SDHAF3: variants seen among roughly 807,000 people sequenced by gnomAD.
The protein encoded by SDHAF3 is succinate dehydrogenase assembly factor 3, mitochondrial.
SDHAF3 carries 18 observed loss-of-function variants against 11.5 expected under a neutral mutation model. That is an observed-to-expected ratio of 1.56 (90% CI 1.08 to 2.32). SDHAF3 has a LOEUF of 2.32. Ranked by LOEUF, SDHAF3 falls within the 30% of genes most tolerant of loss-of-function variation. The pLI, the probability that SDHAF3 is intolerant of heterozygous loss-of-function variation, is 0.00. For missense variants in SDHAF3, 200 were observed against 154.4 expected (o/e 1.30, Z -1.57); for synonymous variants, 72 against 59.3 (o/e 1.21, Z -0.99).
At chr7:97,139,750 A>G (rs1789001448) in intron 1 of SDHAF3, among the ~76,000 whole-genome samples, 1 of 152,214 alleles carries the variant, frequency 6.6e-6, no homozygotes, top group Admixed American at 6.5e-5. Context: ...CTCTGAAAAC[A>G]AATTTTGTAA....
chr7:97,173,678 G>T (rs894168237), intron 1 of SDHAF3, among the ~76,000 whole-genome samples: 3 of 150,720 alleles, frequency 2.0e-5, no homozygotes, highest in Non-Finnish European at 4.4e-5. Context: ...TCAGCCTCCC[G>T]AATAGCTGGG....
chr7:97,176,279 T>A (rs1049273333), intron 1 of SDHAF3, among the ~76,000 whole-genome samples: 3 of 152,224 alleles, frequency 2.0e-5, no homozygotes, highest in African/African-American at 7.2e-5. Flanking sequence ...AAGCAGCTGC[T>A]TAACTTACCC....
At chr7:97,153,922 A>G (rs1213289544) in intron 1 of SDHAF3, among the ~76,000 whole-genome samples, 1 of 152,140 alleles carries the variant, frequency 6.6e-6, no homozygotes, top group Non-Finnish European at 1.5e-5. Context: ...ATGTTTTCCT[A>G]ATTGTCACAT....
intron 1 of SDHAF3, among the ~76,000 whole-genome samples, chr7:97,176,874 AATATTAAT>A (rs1789687734): frequency 6.6e-6 from 1 of 152,148 alleles, no homozygotes; most frequent in African/African-American, 2.4e-5. Context: ...AGATTTAACA[AATATTAAT>A]ATTTTGAAAT....
chr7:97,177,459 G>A (rs1789696843), intron 1 of SDHAF3, among the ~76,000 whole-genome samples: 1 of 151,972 alleles, frequency 6.6e-6, no homozygotes, highest in South Asian at 2.1e-4. Context: ...CCGAGATCGC[G>A]CCACTGCACT....
At chr7:97,156,336 G>T (rs1399452683) in intron 1 of SDHAF3, among the ~76,000 whole-genome samples, 1 of 152,138 alleles carries the variant, frequency 6.6e-6, no homozygotes, top group African/African-American at 2.4e-5. Flanking sequence ...AAGCCATAGA[G>T]GTAAAGTGCC....
At chr7:97,149,734 G>A (rs953100006) in intron 1 of SDHAF3, among the ~76,000 whole-genome samples, 1 of 152,208 alleles carries the variant, frequency 6.6e-6, no homozygotes, top group Non-Finnish European at 1.5e-5. Flanking sequence ...GACGGCTGCT[G>A]AATGATGAGG....
intron 1 of SDHAF3, among the ~76,000 whole-genome samples, chr7:97,129,725 AG>A (rs1338408781): frequency 3.3e-5 from 5 of 152,112 alleles, no homozygotes; most frequent in Non-Finnish European, 5.9e-5. Context: ...GGCCTCACTT[AG>A]TTCTGAGCTG....
chr7:97,117,732 G>T lies in SDHAF3; in HGVS notation c.9G>T (p.Gly3=). 3 of 1,612,914 alleles carry T rather than the reference G, an allele frequency of 1.9e-6. No individual in the cohort carries two copies. Among genetic ancestry groups the T allele is most frequent in the South Asian group, 2.2e-5 (2 of 91,050 alleles). MP[G]RHVSRVRALY... is the part of the protein sequence containing the mutation. ...GGTCGGCGTGGGGCGCTATGCCGGG[G>T]CGGCACGTTTCTCGAGTCCGGGCAT... is the stretch of plus-strand genomic sequence containing the variant. The change falls in exon 1 of 2, where the codon GGG becomes GGT. Residue 3 remains glycine (G), a synonymous_variant. Coordinates refer to ENST00000432641, the MANE Select transcript of SDHAF3 (RefSeq NM_020186.3).
chr7:97,154,478 AT>A (rs956058670), intron 1 of SDHAF3, among the ~76,000 whole-genome samples: 89 of 148,722 alleles, frequency 6.0e-4, no homozygotes, highest in African/African-American at 2.1e-3. Flanking sequence ...TTCCAATTGG[AT>A]TTTTTTTTTC....
In SDHAF3 at chr7:97,181,088, TCCTC is replaced by T. The variant is rs1283958443; in HGVS notation, c.254_257del (p.Leu85GlnfsTer19). 6.2e-7 allele frequency: 1 copy of T among 1,613,976 alleles called. No homozygotes were observed. Among genetic ancestry groups the T allele is most frequent in the Non-Finnish European group, 8.5e-7 (1 of 1,179,932 alleles). On this transcript the variant is annotated frameshift_variant, in exon 2 of 2. Transcript: ENST00000432641. LOFTEE classifies it high-confidence loss of function. ...ACTGGAAAAGCATGTTTTGGCACCT[TCCTC>T]CCAGAAGAAAAACTTAATGACTTTC...
intron 1 of SDHAF3, among the ~76,000 whole-genome samples, chr7:97,169,394 TATATATCAA>T (rs1789568912): frequency 6.6e-6 from 1 of 152,218 alleles, no homozygotes; most frequent in South Asian, 2.1e-4. Context: ...TCAATTTCAA[TATATATCAA>T]ATATAATTTT....
At chr7:97,156,266 G>T (rs1044749957) in intron 1 of SDHAF3, among the ~76,000 whole-genome samples, 10 of 152,184 alleles carry the variant, frequency 6.6e-5, no homozygotes, top group African/African-American at 2.4e-4. Context: ...ATGTCCCCCA[G>T]CTGGGATTTC....
rs567030737 is a variant in SDHAF3, at chr7:97,170,953, G to A, written c.175-10059G>A. Among the ~76,000 whole-genome samples the A allele has an allele frequency of 9.9e-5, 15 of 152,190 alleles. No individual in the cohort carries two copies. The South Asian group carries it at 1.9e-3, about 19-fold the overall frequency. ...TTTGACTTGAAAATCATAAAACCTC[G>A]TCAGAATGAGCCCAAGAAACCAAAT... On this transcript the variant is annotated intron_variant, in intron 1 of 1. Coordinates refer to ENST00000432641, the MANE Select transcript of SDHAF3 (RefSeq NM_020186.3).
intron 1 of SDHAF3, among the ~76,000 whole-genome samples, chr7:97,160,417 C>T (rs755961037): frequency 3.9e-5 from 6 of 152,014 alleles, no homozygotes; most frequent in African/African-American, 9.7e-5. Flanking sequence ...CAGCGACCAT[C>T]GAGAACGGGC....
chr7:97,133,195 T>C (rs977558766), intron 1 of SDHAF3, among the ~76,000 whole-genome samples: 22 of 152,198 alleles, frequency 1.4e-4, no homozygotes, highest in African/African-American at 5.3e-4. Flanking sequence ...TACATTAGTA[T>C]GTCTGCAGAA....
chr7:97,145,854 T>C (rs751041439), intron 1 of SDHAF3, among the ~76,000 whole-genome samples: 5 of 152,164 alleles, frequency 3.3e-5, no homozygotes, highest in Non-Finnish European at 7.4e-5. Context: ...TTCATAGTAA[T>C]TCAAAACCCC....
intron 1 of SDHAF3, among the ~76,000 whole-genome samples, chr7:97,158,567 A>G (rs1028707805): frequency 1.3e-5 from 2 of 152,004 alleles, no homozygotes; most frequent in Non-Finnish European, 2.9e-5. Flanking sequence ...CAGGTGATCT[A>G]CCCGCCTCAG....
At chr7:97,126,856 A>AC (rs1403925435) in intron 1 of SDHAF3, among the ~76,000 whole-genome samples, 1 of 151,608 alleles carries the variant, frequency 6.6e-6, no homozygotes, top group Non-Finnish European at 1.5e-5. Flanking sequence ...AAAAAAAAAA[A>AC]AAAAAACCCT....
Sources: gnomAD v4.1 joint callset for allele counts (sites outside exome capture counted in the v4.1 genomes callset) on GRCh38, gnomAD v4.1.1 for gene constraint, MANE v1.5 for transcripts, NCBI Gene and HGNC (gene_info 2026-07-23, HGNC 2026-07-21) for gene names.